The following CCND3 variants were observed in gnomAD, a reference collection of about 807,000 sequenced individuals.
CCND3 encodes G1/S-specific cyclin-D3.
CCND3 carries 9 observed loss-of-function variants against 28.7 expected under a neutral mutation model. That is an observed-to-expected ratio of 0.31 (90% CI 0.19 to 0.55). The LOEUF (loss-of-function observed/expected upper bound fraction) is 0.55, where lower values mean the gene tolerates loss of function less well. Ranked by LOEUF, CCND3 falls within the 20% of genes least tolerant of loss-of-function variation. The probability of loss-of-function intolerance (pLI) is 0.93; values close to 1 mark genes in which losing one functional copy is unlikely to be tolerated. For synonymous variants in CCND3, 164 were observed against 163.9 expected (o/e 1.00, Z 0.00); for missense variants, 315 against 385.8 (o/e 0.82, Z 1.54).
intron 1 of CCND3, among the ~76,000 whole-genome samples, chr6:41,955,937 C>A (rs1776425484): frequency 6.6e-6 from 1 of 151,952 alleles, no homozygotes; most frequent in African/African-American, 2.4e-5. Flanking sequence ...AACCGTATCT[C>A]AGAAGAAAAT....
intron 1 of CCND3, among the ~76,000 whole-genome samples, chr6:41,974,228 C>G (rs1762107192): frequency 6.6e-6 from 1 of 152,064 alleles, no homozygotes. Flanking sequence ...TAGCACAACT[C>G]ATGTGATACT....
intron 1 of CCND3, among the ~76,000 whole-genome samples, chr6:41,952,038 A>G (rs1561958430): frequency 1.3e-5 from 2 of 152,204 alleles, no homozygotes; most frequent in Admixed American, 6.5e-5. Flanking sequence ...CTGGGATTAC[A>G]GGCATGAGCC....
At chr6:41,951,760 T>C (rs1414421972) in intron 1 of CCND3, among the ~76,000 whole-genome samples, 3 of 151,660 alleles carry the variant, frequency 2.0e-5, no homozygotes, top group Non-Finnish European at 4.4e-5. Flanking sequence ...ACTTATTTTT[T>C]ATTTTTTTTA....
At chr6:41,999,993 G>A (rs1762940282) in intron 1 of CCND3, among the ~76,000 whole-genome samples, 1 of 152,038 alleles carries the variant, frequency 6.6e-6, no homozygotes, top group South Asian at 2.1e-4. Flanking sequence ...GGATTTAGAT[G>A]ATTTCACCAT....
chr6:41,964,113 C>A (rs1010752676), intron 1 of CCND3, among the ~76,000 whole-genome samples: 1 of 152,204 alleles, frequency 6.6e-6, no homozygotes, highest in African/African-American at 2.4e-5. Context: ...GCTTGACCCA[C>A]AGTAAAGCTC....
rs774090777 is a variant in CCND3, at chr6:42,000,564, C to CTTTTTT, written c.-46+47931_-46+47936dup. On this transcript the variant is annotated intron_variant, in intron 1 of 4. Transcript: ENST00000372988. ...TTTCTAATAACTGGGTGAAACGAAT[C>CTTTTTT]TTTTTTTTTTTTTTTTTTCTGAGAC... Among the ~76,000 whole-genome samples, 67 of 85,522 alleles carry CTTTTTT rather than the reference C, an allele frequency of 7.8e-4. 10 individuals carry two copies. The highest frequency in any genetic ancestry group is 2.2e-3 in the African/African-American group (44 of 20,228). The allele number at this position is 85,522 out of a possible 152,430, so 56.1% of individuals were successfully genotyped here.
chr6:42,000,366 G>A (rs1485228741), intron 1 of CCND3, among the ~76,000 whole-genome samples: 1 of 137,122 alleles, frequency 7.3e-6, no homozygotes, highest in Non-Finnish European at 1.5e-5. Context: ...CAGCCTCTCC[G>A]AGTAGCTGGG....
At chr6:41,960,200 G>GA in intron 1 of CCND3, among the ~76,000 whole-genome samples, 1 of 152,148 alleles carries the variant, frequency 6.6e-6, no homozygotes, top group East Asian at 1.9e-4. Flanking sequence ...TATAGAGACA[G>GA]AAAGCAGATT....
intron 1 of CCND3, among the ~76,000 whole-genome samples, chr6:41,982,836 T>C (rs1395096009): frequency 1.5e-5 from 2 of 132,172 alleles, no homozygotes; most frequent in South Asian, 2.3e-4. Context: ...GAAGTGAAGA[T>C]AGCCTTTTCA....
At position 41,941,219 on chromosome 6, in the gene CCND3, A is replaced by C. The variant is rs1441189670; in HGVS notation, c.198+233T>G. 7.0e-7 allele frequency: 1 copy of C among 1,434,634 alleles called. No individual in the cohort carries two copies. Among genetic ancestry groups the C allele is most frequent in the Non-Finnish European group, 9.1e-7 (1 of 1,098,576 alleles). 88.9% of individuals were successfully genotyped at this position (1,434,634 alleles called of 1,614,324 possible). On this transcript the variant is annotated intron_variant, in intron 1 of 4. Coordinates refer to ENST00000372991, the MANE Select transcript of CCND3 (RefSeq NM_001760.5). This position sits in a 1 kb window ranked among gnomAD's most constrained non-coding sequence, Gnocchi z 6.1. ...GGTCCCGTTTGCTCGGCCCGAAGAG[A>C]GGCACAGTTAGGGTGCCAAGTGACT...
rs1491276171 is a variant in CCND3 at position 41,970,926 on chromosome 6, T to TC, written c.-45-30342dup. ...AACTTGCTCCAGTTTCTTTTTTTTTTCCCCCCCTTGAGACAGAGTCTTGCT... is the reference window on the plus strand; with the variant it reads ...AACTTGCTCCAGTTTCTTTTTTTTTTCCCCCCCCTTGAGACAGAGTCTTGCT... On this transcript the variant is annotated intron_variant, in intron 1 of 4. Coordinates refer to the CCND3 transcript ENST00000372988. 2.8e-4 allele frequency among the ~76,000 whole-genome samples: 41 copies of TC among 144,620 alleles called. No homozygotes were observed. In the South Asian group the frequency reaches 4.9e-3, roughly 17 times the overall value. The allele number at this position is 144,620 out of a possible 152,430, so 94.9% of individuals were successfully genotyped here. A position where few individuals can be genotyped will look rare whatever the true frequency, so the allele number is the denominator to read the frequency against.
chr6:41,986,697 C>T (rs970868496), intron 1 of CCND3, among the ~76,000 whole-genome samples: 2 of 151,942 alleles, frequency 1.3e-5, no homozygotes, highest in South Asian at 4.1e-4. Context: ...TTTTAATATA[C>T]GATCATGTCA....
chr6:41,994,374 C>A (rs974379046), intron 1 of CCND3, among the ~76,000 whole-genome samples: 7 of 152,158 alleles, frequency 4.6e-5, no homozygotes, highest in Non-Finnish European at 1.0e-4. Flanking sequence ...GAACATACCC[C>A]CCTCATTAAG....
chr6:42,037,919 T>C (rs1378541507), intron 1 of CCND3, among the ~76,000 whole-genome samples: 1 of 151,122 alleles, frequency 6.6e-6, no homozygotes, highest in African/African-American at 2.4e-5. Flanking sequence ...TAATCCCAGC[T>C]ACTCAGGAGG....
At chr6:41,995,613 A>C (rs1239832476) in intron 1 of CCND3, among the ~76,000 whole-genome samples, 1 of 152,228 alleles carries the variant, frequency 6.6e-6, no homozygotes, top group African/African-American at 2.4e-5. Context: ...AGTATAAACA[A>C]TTGTATAAAT....
intron 1 of CCND3, among the ~76,000 whole-genome samples, chr6:41,996,342 G>A (rs1272601914): frequency 2.6e-5 from 4 of 151,470 alleles, no homozygotes; most frequent in African/African-American, 9.7e-5. Flanking sequence ...TAGAGATGGG[G>A]TTTCACCATG....
chr6:41,941,122 T>C lies in CCND3; in HGVS notation c.198+330A>G. 6.6e-7 allele frequency: 1 copy of C among 1,504,336 alleles called. No homozygotes were observed. Among genetic ancestry groups the C allele is most frequent in the East Asian group, 2.3e-5 (1 of 42,972 alleles). 93.2% of individuals were successfully genotyped at this position (1,504,336 alleles called of 1,614,324 possible). On this transcript the variant is annotated intron_variant, in intron 1 of 4. Transcript: ENST00000372991. This position sits in a 1 kb window ranked among gnomAD's most constrained non-coding sequence, Gnocchi z 6.1. ...CGAGCCCAGGGTTTTCCAGGCGCGC[T>C]CTCCGGAGAAGGCCGGGAGGCGGAG...
upstream of CCND3, chr6:42,049,511 GCC>G (rs1329558558): frequency 6.6e-6 from 1 of 152,274 alleles, no homozygotes; most frequent in African/African-American, 2.4e-5. Flanking sequence ...TCTGCGTCCT[GCC>G]AGGCACCTGC....
upstream of CCND3, among the ~76,000 whole-genome samples, chr6:41,942,872 C>CTTTTTTT (rs60884050): frequency 3.6e-5 from 3 of 82,566 alleles, no homozygotes; most frequent in East Asian, 3.2e-4. Context: ...GTTAATTATT[C>CTTTTTTT]TTTTTTTTTT....
Sources: allele counts gnomAD v4.1 joint callset (sites outside exome capture counted in the v4.1 genomes callset), GRCh38; gene constraint gnomAD v4.1.1; non-coding constraint Gnocchi (gnomAD v3.1); transcripts MANE v1.5; gene names NCBI Gene and HGNC (gene_info 2026-07-23, HGNC 2026-07-21).